LMTK3: variants seen among roughly 807,000 people sequenced by gnomAD.
LMTK3 encodes the protein lemur tail kinase 3.
In LMTK3, 27 loss-of-function variants were observed where a neutral mutation model predicts 116.7. The observed-to-expected ratio is 0.23, with a 90% confidence interval of 0.17 to 0.32. The LOEUF (loss-of-function observed/expected upper bound fraction) is 0.32. LMTK3 is among the 10% of genes least tolerant of loss of function. The probability of loss-of-function intolerance (pLI) is 1.00; values close to 1 mark genes in which losing one functional copy is unlikely to be tolerated. For missense variants in LMTK3, 1,764 were observed against 2,068.5 expected, an observed-to-expected ratio of 0.85 and a Z score of 2.86; for synonymous variants, 965 against 971.0, an observed-to-expected ratio of 0.99 and a Z score of 0.11.
intron 6 of LMTK3, 36 bp downstream of exon 6, chr19:48,502,873 C>T: frequency 6.7e-7 from 1 of 1,495,494 alleles, no homozygotes; most frequent in Non-Finnish European, 9.3e-7. Flanking sequence ...GTCCAGCTGC[C>T]CCCTCTGCCC....
In LMTK3 at chr19:48,499,523, C is replaced by T. The variant is rs985961803; in HGVS notation, c.1546G>A (p.Glu516Lys). ...PHANPSNPFYEALSTPSVLPV... is the reference protein window; with the variant it reads ...PHANPSNPFYKALSTPSVLPV... ...AGCACGCTGGGCGTGGACAGCGCCT[C>T]GTAGAAAGGGTTGGAGGGGTTGGCG... The change falls in exon 11 of 15, where the codon GAG (glutamate) becomes AAG (lysine). Residue 516 changes from glutamate to lysine, a missense_variant. By Grantham distance (56) the Glu-to-Lys change is moderately conservative. Around this residue, in one of 7 missense-constraint regions of LMTK3, gnomAD observed 1,028 missense variants for 1,050.6 expected, o/e 0.98. Coordinates refer to ENST00000600059, the MANE Select transcript of LMTK3 (RefSeq NM_001388485.1). 3 of 1,322,880 alleles carry T rather than the reference C, an allele frequency of 2.3e-6. No individual in the cohort carries two copies. The highest frequency in any genetic ancestry group is 3.0e-6 in the Non-Finnish European group (3 of 1,002,120). The allele number at this position is 1,322,880 out of a possible 1,614,324, so 81.9% of individuals were successfully genotyped here.
chr19:48,507,808 G>A (rs1972595363), intron 5 of LMTK3, among the ~76,000 whole-genome samples: 1 of 152,274 alleles, frequency 6.6e-6, no homozygotes, highest in South Asian at 2.1e-4. Context: ...TGTGGCCAGT[G>A]TTTGCTGGCA....
At chr19:48,501,749 C>A (rs545242384) in intron 7 of LMTK3, among the ~76,000 whole-genome samples, 187 bp from the exon 8 acceptor site, 4 of 152,138 alleles carry the variant, frequency 2.6e-5, no homozygotes, top group South Asian at 4.1e-4. Context: ...CTTCTCCCCA[C>A]CCCTGGTTCC....
At chr19:48,507,056 T>G (rs1317905928) in intron 5 of LMTK3, among the ~76,000 whole-genome samples, 1 of 152,096 alleles carries the variant, frequency 6.6e-6, no homozygotes, top group African/African-American at 2.4e-5. Flanking sequence ...CCTCCCAAAG[T>G]GCTAGGATTA....
At chr19:48,511,301 CCCTCCCCACCCAGCCCCCAGCCT>C (rs1972654333) in intron 1 of LMTK3, among the ~76,000 whole-genome samples, 177 bp downstream of exon 1, 1 of 152,210 alleles carries the variant, frequency 6.6e-6, no homozygotes, top group Non-Finnish European at 1.5e-5. Context: ...AAACGGAGCC[CCCTCCCCACCCAGCCCCCAGCCT>C]CCCTCCCACA....
At chr19:48,510,996 G>A (rs943588969) in intron 1 of LMTK3, among the ~76,000 whole-genome samples, 2 of 152,208 alleles carry the variant, frequency 1.3e-5, no homozygotes, top group Non-Finnish European at 2.9e-5. Context: ...GCTGCAGGCT[G>A]GGAGAAGATT....
chr19:48,501,588 GC>G, intron 7 of LMTK3, 26 bp from the exon 8 acceptor site: 1 of 1,581,056 alleles, frequency 6.3e-7, no homozygotes, highest in Non-Finnish European at 8.6e-7. Context: ...GAGGAGGTGA[GC>G]GCAGGGGCAG....
At chr19:48,492,858 C>T (rs929675528) in intron 12 of LMTK3, among the ~76,000 whole-genome samples, 6 of 152,194 alleles carry the variant, frequency 3.9e-5, no homozygotes, top group Non-Finnish European at 5.9e-5. Context: ...ACCACGCCCC[C>T]GTCACAAGCC....
Position 48,498,235 on chromosome 19 carries a change from T to C in LMTK3, c.2834A>G (p.Glu945Gly), listed in dbSNP as rs965802553. ...RAPGIEEKAA[E>G]NGALGSPERE... ...CTCGGGGGACCCCAGGGCCCCATTC[T>C]CCGCCGCCTTCTCCTCGATGCCTGG... is the stretch of plus-strand genomic sequence containing the variant. The change falls in exon 11 of 15, where the codon GAG (glutamate) becomes GGG (glycine). Residue 945 changes from glutamate to glycine, a missense_variant. Around this residue, in one of 7 missense-constraint regions of LMTK3, gnomAD observed 1,028 missense variants for 1,050.6 expected, o/e 0.98. Coordinates refer to ENST00000600059, the MANE Select transcript of LMTK3 (RefSeq NM_001388485.1). 2.5e-6 allele frequency: 4 copies of C among 1,613,278 alleles called. No individual in the cohort carries two copies. In the Admixed American group the frequency reaches 6.7e-5, roughly 27 times the overall value.
intron 5 of LMTK3, among the ~76,000 whole-genome samples, chr19:48,505,074 T>C (rs1294994706): frequency 6.7e-6 from 1 of 149,362 alleles, no homozygotes; most frequent in Non-Finnish European, 1.5e-5. Context: ...TGTCATTCTC[T>C]GACAGTTTCT....
chr19:48,493,925 C>G lies in LMTK3; in HGVS notation c.3861G>C (p.Glu1287Asp), dbSNP rs113771867. The change falls in exon 12 of 15, where the codon GAG becomes GAC. Residue 1287 changes from glutamate (E) to aspartate (D), a missense_variant. Transcript: ENST00000600059. Reference protein sequence around the residue: ...DGEDEDEDEEEDEEAAAPGAA... With the variant: ...DGEDEDEDEEDDEEAAAPGAA... ...CGCCCGGCGCCGCCGCCTCCTCGTC[C>G]TCCTCCTCGTCCTCGTCCTCGTCCT... is the stretch of plus-strand genomic sequence containing the variant. 33 of 1,023,820 alleles carry G rather than the reference C, an allele frequency of 3.2e-5. 1 individual carries two copies. The highest frequency in any genetic ancestry group is 2.2e-4 in the South Asian group (5 of 22,278). The allele number at this position is 1,023,820 out of a possible 1,614,324, so 63.4% of individuals were successfully genotyped here.
chr19:48,513,148 T>A (rs1361725160), upstream of LMTK3: 1 of 1,602,184 alleles, frequency 6.2e-7, no homozygotes, highest in Non-Finnish European at 8.5e-7. This position sits in a 1 kb window ranked among gnomAD's most constrained non-coding sequence, Gnocchi z 5.6. Context: ...ACGTTTCCCG[T>A]GCGGTTACGC....
At position 48,486,349 on chromosome 19, in the gene LMTK3, G is replaced by A. The variant is rs190658791; in HGVS notation, c.4367-560C>T. On this transcript the variant is annotated intron_variant, in intron 14 of 14. Transcript: ENST00000600059. ...GCTGGGATTACAGGCGTGAGCCACC[G>A]CGCCCGGCCTTTTGGAACATTCTTC... 2.3e-3 allele frequency among the ~76,000 whole-genome samples: 353 copies of A among 151,016 alleles called. 3 individuals carry two copies. Among genetic ancestry groups the A allele is most frequent in the African/African-American group, 5.1e-3 (208 of 40,652 alleles).
chr19:48,487,794 C>G (rs1373880865), intron 14 of LMTK3, among the ~76,000 whole-genome samples: 11 of 152,232 alleles, frequency 7.2e-5, no homozygotes, highest in Admixed American at 5.9e-4. Flanking sequence ...ACCTGGGAGG[C>G]CTGGGTCAAG....
At chr19:48,502,385 T>A (rs1000102552) in intron 7 of LMTK3, 48 bp downstream of exon 7, 3 of 1,584,242 alleles carry the variant, frequency 1.9e-6, no homozygotes, top group African/African-American at 1.4e-5. Flanking sequence ...CTCACCTCCT[T>A]CCCCCTTCCC....
At chr19:48,503,462 G>C (rs77809363) in intron 5 of LMTK3, among the ~76,000 whole-genome samples, 1 of 152,010 alleles carries the variant, frequency 6.6e-6, no homozygotes, top group East Asian at 1.9e-4. Context: ...GCTCCTGGGG[G>C]AGCAGGTCCC....
upstream of LMTK3, among the ~76,000 whole-genome samples, chr19:48,512,022 G>A (rs1386764223): frequency 1.7e-5 from 2 of 120,916 alleles, no homozygotes; most frequent in Non-Finnish European, 3.3e-5. Context: ...GAGGGGGAGG[G>A]ACAGACAGGG....
In LMTK3 at chr19:48,493,778, G is replaced by T; in HGVS notation, c.4008C>A (p.Ala1336=). 6.5e-7 allele frequency: 1 copy of T among 1,540,794 alleles called. No homozygotes were observed. The change falls in exon 12 of 15, where the codon GCC becomes GCA. Residue 1336 remains alanine (A), a synonymous_variant. Coordinates refer to ENST00000600059, the MANE Select transcript of LMTK3 (RefSeq NM_001388485.1). The part of the protein sequence containing the change: ...LRGLLKSPRG[A]DEPEDSELER... Reference sequence around the variant, plus strand: ...CCAGCTCGCTGTCCTCTGGCTCGTCGGCCCCGCGCGGAGACTTGAGCAGCC... The same window carrying T: ...CCAGCTCGCTGTCCTCTGGCTCGTCTGCCCCGCGCGGAGACTTGAGCAGCC...
chr19:48,493,002 C>G (rs1301667486), intron 12 of LMTK3, among the ~76,000 whole-genome samples: 3 of 151,888 alleles, frequency 2.0e-5, no homozygotes, highest in African/African-American at 4.8e-5. Flanking sequence ...CCTGACCAGT[C>G]TCTCCCCAGA....
Sources: allele counts gnomAD v4.1 joint callset (sites outside exome capture counted in the v4.1 genomes callset), GRCh38; gene constraint gnomAD v4.1.1; regional missense constraint gnomAD v4.1.1; non-coding constraint Gnocchi (gnomAD v3.1); transcripts MANE v1.5; gene names NCBI Gene and HGNC (gene_info 2026-07-23, HGNC 2026-07-21).